Variants in PTPRD observed in about 807,000 individuals in gnomAD.
PTPRD encodes receptor-type tyrosine-protein phosphatase delta.
Under a neutral mutation model 214.5 loss-of-function variants are expected in PTPRD, and 34 were observed. The observed-to-expected ratio is 0.16, with a 90% confidence interval of 0.12 to 0.21. The LOEUF is 0.21. Among genes scored for constraint, PTPRD ranks in the 10% least tolerant of loss-of-function variants. PTPRD has a pLI of 1.00. For synonymous variants in PTPRD, 1,128 were observed against 845.7 expected, an observed-to-expected ratio of 1.33 and a Z score of -5.79; for missense variants, 2,545 against 2,398.7, an observed-to-expected ratio of 1.06 and a Z score of -1.27.
chr9:9,345,643 G>T (rs771188488), intron 9 of PTPRD, among the ~76,000 whole-genome samples: 1 of 151,998 alleles, frequency 6.6e-6, no homozygotes, highest in Non-Finnish European at 1.5e-5. Context: ...TAGCATTGAG[G>T]CTAAAATAAT....
At chr9:9,995,454 A>C (rs2096086071) in intron 4 of PTPRD, among the ~76,000 whole-genome samples, 1 of 152,108 alleles carries the variant, frequency 6.6e-6, no homozygotes, top group East Asian at 1.9e-4. Flanking sequence ...TAAGAGATAA[A>C]AGTTTATAAA....
intron 14 of PTPRD, among the ~76,000 whole-genome samples, chr9:8,602,930 C>T: frequency 6.6e-6 from 1 of 152,054 alleles, no homozygotes; most frequent in East Asian, 1.9e-4. Flanking sequence ...CGATATAATC[C>T]CCTTTAGTCA....
At chr9:10,116,076 T>C (rs563772775) in intron 3 of PTPRD, among the ~76,000 whole-genome samples, 1 of 152,094 alleles carries the variant, frequency 6.6e-6, no homozygotes, top group African/African-American at 2.4e-5. Context: ...TATTTATAAT[T>C]ATATCAGGCT....
chr9:10,187,892 A>G (rs938331441), intron 3 of PTPRD, among the ~76,000 whole-genome samples: 1 of 152,180 alleles, frequency 6.6e-6, no homozygotes, highest in South Asian at 2.1e-4. Flanking sequence ...TCCTAAATGT[A>G]GTTTGGAGTT....
intron 33 of PTPRD, among the ~76,000 whole-genome samples, chr9:8,459,617 A>T (rs1376828430): frequency 6.6e-6 from 1 of 152,046 alleles, no homozygotes. Context: ...TAGGGGAAAA[A>T]ATCTTATTAG....
intron 14 of PTPRD, among the ~76,000 whole-genome samples, chr9:8,608,241 C>T (rs1166412919): frequency 6.6e-6 from 1 of 151,706 alleles, no homozygotes; most frequent in East Asian, 1.9e-4. Context: ...ATTCAAGTTC[C>T]AAAGTAAAAT....
chr9:10,147,379 A>G (rs1157365484), intron 3 of PTPRD, among the ~76,000 whole-genome samples: 1 of 152,186 alleles, frequency 6.6e-6, no homozygotes, highest in Non-Finnish European at 1.5e-5. Context: ...TCATGCTGCT[A>G]TAAAGACACA....
chr9:9,370,894 G>T (rs1320360577), intron 9 of PTPRD, among the ~76,000 whole-genome samples: 1 of 152,072 alleles, frequency 6.6e-6, no homozygotes, highest in Non-Finnish European at 1.5e-5. Context: ...CTTTGGTTCT[G>T]TTTATATGCT....
chr9:10,232,708 T>A (rs775281274), intron 3 of PTPRD, among the ~76,000 whole-genome samples: 1 of 152,012 alleles, frequency 6.6e-6, no homozygotes, highest in Non-Finnish European at 1.5e-5. Context: ...CTGTATCCCA[T>A]TTCAATTTTC....
intron 11 of PTPRD, among the ~76,000 whole-genome samples, chr9:8,929,189 T>C (rs1055766715): frequency 7.2e-5 from 11 of 152,094 alleles, no homozygotes; most frequent in Non-Finnish European, 1.0e-4. Context: ...TTTCTTTCCC[T>C]TGCCTGATTG....
At chr9:8,649,150 A>G (rs1185345872) in intron 12 of PTPRD, among the ~76,000 whole-genome samples, 1 of 152,234 alleles carries the variant, frequency 6.6e-6, no homozygotes, top group Non-Finnish European at 1.5e-5. Context: ...CTTCTTCTAT[A>G]CAATATTTCC....
At chr9:10,142,329 G>A (rs2098991543) in intron 3 of PTPRD, among the ~76,000 whole-genome samples, 1 of 151,188 alleles carries the variant, frequency 6.6e-6, no homozygotes, top group East Asian at 2.0e-4. Context: ...CCATCAGAGT[G>A]AACAGGCAAC....
intron 36 of PTPRD, among the ~76,000 whole-genome samples, chr9:8,391,052 G>A (rs1240227233): frequency 3.3e-5 from 5 of 149,762 alleles, no homozygotes; most frequent in Admixed American, 1.3e-4. Context: ...TTATAGGAAT[G>A]TCAGCATGAT....
chr9:9,282,700 G>A (rs1948131529), intron 9 of PTPRD, among the ~76,000 whole-genome samples: 1 of 151,422 alleles, frequency 6.6e-6, no homozygotes, highest in Non-Finnish European at 1.5e-5. Flanking sequence ...AAGAGAGAAT[G>A]AAAGTGGACA....
At chr9:9,140,558 C>T (rs545186957) in intron 10 of PTPRD, among the ~76,000 whole-genome samples, 9 of 152,336 alleles carry the variant, frequency 5.9e-5, no homozygotes, top group African/African-American at 2.2e-4. Flanking sequence ...TGGAAAGCCA[C>T]TGTGACAGAA....
intron 3 of PTPRD, among the ~76,000 whole-genome samples, chr9:10,232,766 T>C (rs2099615906): frequency 6.6e-6 from 1 of 151,998 alleles, no homozygotes; most frequent in South Asian, 2.1e-4. Context: ...GAGAGTAGTC[T>C]GGATTGAAAA....
intron 11 of PTPRD, among the ~76,000 whole-genome samples, chr9:8,873,454 C>G (rs893496063): frequency 6.6e-6 from 1 of 152,134 alleles, no homozygotes; most frequent in Non-Finnish European, 1.5e-5. Flanking sequence ...TTCCCGTATA[C>G]CCCTAGTTTC....
intron 3 of PTPRD, among the ~76,000 whole-genome samples, chr9:10,238,271 A>C (rs1331151892): frequency 6.6e-6 from 1 of 151,888 alleles, no homozygotes; most frequent in East Asian, 1.9e-4. Context: ...TGCCTGTTGT[A>C]ACCTGAAACC....
intron 9 of PTPRD, among the ~76,000 whole-genome samples, chr9:9,187,054 A>C (rs1290932042): frequency 6.6e-6 from 1 of 151,914 alleles, no homozygotes; most frequent in Non-Finnish European, 1.5e-5. Flanking sequence ...GAAACACTGA[A>C]ATTTATTTTA....
Sources: allele counts gnomAD v4.1 joint callset (sites outside exome capture counted in the v4.1 genomes callset), GRCh38; gene constraint gnomAD v4.1.1; transcripts MANE v1.5; gene names NCBI Gene and HGNC (gene_info 2026-07-23, HGNC 2026-07-21).